Variants in DLC1 observed in about 807,000 individuals in gnomAD.
DLC1 encodes DLC1 Rho GTPase activating protein.
Under a neutral mutation model 140.3 loss-of-function variants are expected in DLC1, and 54 were observed. That is an observed-to-expected ratio of 0.38 (90% confidence interval 0.31 to 0.48). The LOEUF is 0.48. DLC1 is among the 20% of genes least tolerant of loss of function. The pLI is 0.96. For missense variants in DLC1, 2,536 were observed against 1,907.0 expected, an observed-to-expected ratio of 1.33 and a Z score of -6.14; for synonymous variants, 986 against 728.1, an observed-to-expected ratio of 1.35 and a Z score of -5.70.
Position 13,566,754 on chromosome 8 carries a change from C to G in DLC1, c.-126+37783G>C, listed in dbSNP as rs1804444720. ...AAAATCGCCAACCCGGCGCAAGCAGCGCAAGCGCAGTGGGCGCTGGGGAGC... is the reference window on the plus strand; with the variant it reads ...AAAATCGCCAACCCGGCGCAAGCAGGGCAAGCGCAGTGGGCGCTGGGGAGC... On this transcript the variant is annotated intron_variant, in intron 1 of 1. Transcript: ENST00000631382. 3 of 526,150 alleles carry G rather than the reference C, an allele frequency of 5.7e-6. No individual in the cohort carries two copies. The Admixed American group carries it at 1.1e-4, about 20-fold the overall frequency. The allele number at this position is 526,150 out of a possible 1,614,324, so 32.6% of individuals were successfully genotyped here.
chr8:13,300,323 G>A (rs1832139073), intron 5 of DLC1, among the ~76,000 whole-genome samples: 1 of 152,142 alleles, frequency 6.6e-6, no homozygotes, highest in Admixed American at 6.5e-5. Flanking sequence ...AAGAGATAAT[G>A]GATGCTAGGC....
At chr8:13,161,929 T>C (rs748740471) in intron 5 of DLC1, among the ~76,000 whole-genome samples, 1 of 152,234 alleles carries the variant, frequency 6.6e-6, no homozygotes, top group Non-Finnish European at 1.5e-5. Flanking sequence ...TTTTATGTTA[T>C]TAAAATATAG....
chr8:13,159,695 C>T (rs765726006), intron 5 of DLC1, among the ~76,000 whole-genome samples: 8 of 152,064 alleles, frequency 5.3e-5, no homozygotes, highest in Non-Finnish European at 8.8e-5. Context: ...TCTCTCCAGA[C>T]GGCATCCAGG....
intron 5 of DLC1, chr8:13,133,120 T>G: frequency 6.8e-7 from 1 of 1,465,954 alleles, no homozygotes; most frequent in South Asian, 1.4e-5. Flanking sequence ...CGCCGCTCCC[T>G]GCCCCTCGTC....
At chr8:13,225,606 T>C (rs1308279485) in intron 5 of DLC1, among the ~76,000 whole-genome samples, 1 of 150,444 alleles carries the variant, frequency 6.6e-6, no homozygotes, top group Non-Finnish European at 1.5e-5. Flanking sequence ...GATTTCTTTT[T>C]ATTTATTTAA....
intron 1 of DLC1, among the ~76,000 whole-genome samples, chr8:13,525,330 C>G (rs570444709): frequency 6.6e-6 from 1 of 152,296 alleles, no homozygotes; most frequent in South Asian, 2.1e-4. Context: ...TGTATGTATA[C>G]ATTCTTTAAT....
intron 2 of DLC1, among the ~76,000 whole-genome samples, chr8:13,472,393 C>T (rs11776466): frequency 6.6e-6 from 1 of 151,960 alleles, no homozygotes; most frequent in African/African-American, 2.4e-5. Context: ...AGATATATTT[C>T]TGTTTTTATC....
At chr8:13,150,493 A>G (rs1314186809) in intron 5 of DLC1, among the ~76,000 whole-genome samples, 1 of 152,124 alleles carries the variant, frequency 6.6e-6, no homozygotes, top group African/African-American at 2.4e-5. Flanking sequence ...AACCCTTATC[A>G]TGTGACTCCC....
intron 5 of DLC1, among the ~76,000 whole-genome samples, chr8:13,278,530 T>A (rs1391934549): frequency 2.6e-5 from 4 of 152,148 alleles, no homozygotes; most frequent in African/African-American, 9.7e-5. Context: ...TCCAAAATAA[T>A]GTGATAAGTT....
intron 4 of DLC1, among the ~76,000 whole-genome samples, chr8:13,321,102 A>G (rs1833086701): frequency 6.6e-6 from 1 of 152,180 alleles, no homozygotes; most frequent in Non-Finnish European, 1.5e-5. Context: ...ATAGCGACAC[A>G]AATGGACTAA....
intron 5 of DLC1, among the ~76,000 whole-genome samples, chr8:13,131,058 G>A (rs1026709668): frequency 5.3e-5 from 8 of 152,154 alleles, no homozygotes; most frequent in Non-Finnish European, 1.2e-4. Context: ...GCACACATCT[G>A]CTAACCATTT....
chr8:13,506,589 A>C (rs149821834), intron 1 of DLC1, among the ~76,000 whole-genome samples: 2 of 88,170 alleles, frequency 2.3e-5, no homozygotes, highest in Non-Finnish European at 4.3e-5. Context: ...GTGTATATAT[A>C]TATATATATA....
intron 2 of DLC1, among the ~76,000 whole-genome samples, chr8:13,441,214 T>G (rs289626): frequency 0.085 from 12,873 of 152,190 alleles, 707 homozygotes; most frequent in African/African-American, 0.15. Flanking sequence ...TATCTCAAAA[T>G]AATAAGAGCT....
At chr8:13,362,817 C>T (rs1835296307) in intron 4 of DLC1, among the ~76,000 whole-genome samples, 1 of 152,128 alleles carries the variant, frequency 6.6e-6, no homozygotes, top group African/African-American at 2.4e-5. Flanking sequence ...CCGGATATTT[C>T]CTGTTTAGAA....
chr8:13,523,325 C>A (rs73559534), intron 1 of DLC1, among the ~76,000 whole-genome samples: 193 of 151,908 alleles, frequency 1.3e-3, no homozygotes, highest in African/African-American at 4.6e-3. Flanking sequence ...AAAGAAGAGT[C>A]AAAAATGCTT....
chr8:13,263,903 C>A (rs542567201), intron 5 of DLC1, among the ~76,000 whole-genome samples: 34 of 151,664 alleles, frequency 2.2e-4, no homozygotes, highest in African/African-American at 8.0e-4. Context: ...AATTTCTACC[C>A]ATGTGCGCAC....
intron 5 of DLC1, among the ~76,000 whole-genome samples, chr8:13,161,165 C>T (rs1364405412): frequency 6.6e-6 from 1 of 152,128 alleles, no homozygotes; most frequent in Admixed American, 6.5e-5. Flanking sequence ...AATCTCTTTC[C>T]TCACCCAAAA....
At chr8:13,381,275 C>T (rs141152250) in intron 4 of DLC1, among the ~76,000 whole-genome samples, 4 of 152,180 alleles carry the variant, frequency 2.6e-5, no homozygotes, top group African/African-American at 7.2e-5. Flanking sequence ...AAGCCTCAGC[C>T]GGGAGAAGAT....
intron 7 of DLC1, among the ~76,000 whole-genome samples, chr8:13,104,629 C>G (rs1819403401): frequency 6.6e-6 from 1 of 152,172 alleles, no homozygotes; most frequent in Non-Finnish European, 1.5e-5. Flanking sequence ...ACACAAATTC[C>G]TGGGAACCGT....
Sources: gnomAD v4.1 joint callset for allele counts (sites outside exome capture counted in the v4.1 genomes callset) on GRCh38, gnomAD v4.1.1 for gene constraint, MANE v1.5 for transcripts, NCBI Gene and HGNC (gene_info 2026-07-23, HGNC 2026-07-21) for gene names.